The following ZNF892 variants were observed in gnomAD, a reference collection of about 807,000 sequenced individuals.
ZNF892 encodes the protein zinc finger protein 570-like.
At chr2:95,235,612 C>T in the ZNF892 span, among the ~76,000 whole-genome samples, 2 of 152,158 alleles carry the variant, frequency 1.3e-5, no homozygotes, top group Non-Finnish European at 2.9e-5. Context: ...CCGCCCACCT[C>T]GGCCTCCCAA....
At chr2:95,238,348 C>A in the ZNF892 span, among the ~76,000 whole-genome samples, 213 of 152,272 alleles carry the variant, frequency 1.4e-3, no homozygotes, top group African/African-American at 4.8e-3. Context: ...AACAACAAAG[C>A]CTGAATGACA....
At chr2:95,212,090 T>C in the ZNF892 span, 4 of 397,034 alleles carry the variant, frequency 1.0e-5, no homozygotes, top group East Asian at 1.4e-4. Context: ...GAGGAAGAAA[T>C]GGAGAACTGA....
chr2:95,243,752 C>T, the ZNF892 span, among the ~76,000 whole-genome samples: 5 of 152,002 alleles, frequency 3.3e-5, no homozygotes, highest in South Asian at 4.1e-4. Context: ...CCAGCCGCCC[C>T]GTCCGGGAGG....
At chr2:95,214,726 G>C in the ZNF892 span, 2 of 427,886 alleles carry the variant, frequency 4.7e-6, no homozygotes, top group Non-Finnish European at 8.5e-6. Flanking sequence ...AAAGCCTTCA[G>C]TTACTACTCA....
chr2:95,249,397 C>G, the ZNF892 span, among the ~76,000 whole-genome samples: 1 of 148,744 alleles, frequency 6.7e-6, no homozygotes, highest in Non-Finnish European at 1.5e-5. Flanking sequence ...CCCGCCACCA[C>G]TCCTGGCTAT....
At chr2:95,244,034 G>GCTCCCA in the ZNF892 span, among the ~76,000 whole-genome samples, 1 of 151,126 alleles carries the variant, frequency 6.6e-6, no homozygotes, top group Middle Eastern at 3.2e-3. Context: ...GTTGATCTGT[G>GCTCCCA]ACCTTACCCC....
chr2:95,238,612 A>G, the ZNF892 span, among the ~76,000 whole-genome samples: 6 of 152,232 alleles, frequency 3.9e-5, no homozygotes, highest in African/African-American at 1.4e-4. Flanking sequence ...TAGCTGCCAC[A>G]GTAATTCCTC....
the ZNF892 span, among the ~76,000 whole-genome samples, chr2:95,246,732 C>A: frequency 1.3e-5 from 2 of 151,992 alleles, no homozygotes; most frequent in East Asian, 3.9e-4. Context: ...AGCAGAGAGC[C>A]AAATCATGAA....
chr2:95,253,811 G>T, the ZNF892 span, among the ~76,000 whole-genome samples: 1 of 152,148 alleles, frequency 6.6e-6, no homozygotes, highest in Non-Finnish European at 1.5e-5. Context: ...TCCCTTGTAA[G>T]TTGCATTCCT....
the ZNF892 span, among the ~76,000 whole-genome samples, chr2:95,228,002 A>G: frequency 1.3e-5 from 2 of 152,160 alleles, no homozygotes; most frequent in Non-Finnish European, 2.9e-5. Flanking sequence ...AAATTTATCC[A>G]CAGTTATCCC....
chr2:95,208,246 C>G, the ZNF892 span, among the ~76,000 whole-genome samples: 5 of 152,086 alleles, frequency 3.3e-5, no homozygotes, highest in Non-Finnish European at 7.4e-5. Flanking sequence ...CATCACTTTT[C>G]TGAGTCAGGC....
chr2:95,240,958 T>G, the ZNF892 span, among the ~76,000 whole-genome samples: 1 of 152,212 alleles, frequency 6.6e-6, no homozygotes, highest in African/African-American at 2.4e-5. Flanking sequence ...TGCAGGGGCT[T>G]TAGCCACTCC....
At chr2:95,244,546 T>A in the ZNF892 span, among the ~76,000 whole-genome samples, 2 of 152,160 alleles carry the variant, frequency 1.3e-5, no homozygotes, top group African/African-American at 4.8e-5. Context: ...ATAAAGCAAG[T>A]TCTTAGAGAC....
At chr2:95,233,478 C>T in the ZNF892 span, among the ~76,000 whole-genome samples, 1 of 151,008 alleles carries the variant, frequency 6.6e-6, no homozygotes, top group Non-Finnish European at 1.5e-5. Flanking sequence ...TGGAGACCAT[C>T]CTGGCTAACA....
the ZNF892 span, among the ~76,000 whole-genome samples, chr2:95,246,075 C>G: frequency 4.6e-5 from 7 of 152,096 alleles, no homozygotes; most frequent in African/African-American, 1.7e-4. Flanking sequence ...AAAGAAATTT[C>G]AAGCCAATTT....
chr2:95,227,613 C>T, the ZNF892 span, among the ~76,000 whole-genome samples: 39 of 151,606 alleles, frequency 2.6e-4, no homozygotes, highest in Admixed American at 1.5e-3. Flanking sequence ...TGAGCCACTG[C>T]GCCCAGATAT....
chr2:95,206,974 C>G, the ZNF892 span, among the ~76,000 whole-genome samples: 1 of 152,076 alleles, frequency 6.6e-6, no homozygotes. Flanking sequence ...CCTCCAGGCT[C>G]CAGCCTCCTT....
the ZNF892 span, chr2:95,207,548 A>T: frequency 2.8e-6 from 1 of 357,310 alleles, no homozygotes; most frequent in Non-Finnish European, 5.0e-6. Flanking sequence ...GGCCGGCGCT[A>T]GGCGTCCCCG....
At chr2:95,239,124 A>G in the ZNF892 span, among the ~76,000 whole-genome samples, 1 of 140,624 alleles carries the variant, frequency 7.1e-6, no homozygotes, top group African/African-American at 2.7e-5. Context: ...GGGTGACAAG[A>G]GCAAAACTCC....
Sources: allele counts gnomAD v4.1 joint callset (sites outside exome capture counted in the v4.1 genomes callset), GRCh38; gene constraint gnomAD v4.1.1; transcripts MANE v1.5; gene names NCBI Gene and HGNC (gene_info 2026-07-23, HGNC 2026-07-21).